Variants in STAT6 observed in about 807,000 individuals in gnomAD.
The protein encoded by STAT6 is signal transducer and activator of transcription 6, also known as STAT, interleukin4-induced.
Under a neutral mutation model 106.3 loss-of-function variants are expected in STAT6, and 45 were observed. The observed-to-expected ratio is 0.42, with a 90% CI of 0.33 to 0.54. The LOEUF is 0.54. STAT6 is among the 20% of genes least tolerant of loss of function. STAT6 has a pLI of 0.06. For synonymous variants in STAT6, 413 were observed against 413.6 expected (o/e 1.00, Z 0.02); for missense variants, 797 against 1,062.2 (o/e 0.75, Z 3.47).
rs868077439 is a variant in STAT6, at chr12:57,100,708, A to G, written c.1513-618T>C. ...AGAAAGAAAGAAAGAAAGAGAAAGA[A>G]AGAAAGAAAGAAAGAAAGAAAGAAA... On this transcript the variant is annotated intron_variant, in intron 13 of 21. Transcript: ENST00000300134. The G allele has an allele frequency of 1.5e-3, 78 of 53,390 alleles. 3 individuals carry two copies. Among genetic ancestry groups the G allele is most frequent in the Middle Eastern group, 9.1e-3 (1 of 110 alleles). The allele number at this position is 53,390 out of a possible 1,614,324, so 3.3% of individuals were successfully genotyped here.
At chr12:57,107,358 A>G (rs755919840) in intron 3 of STAT6, 44 bp from the exon 4 acceptor site, 2 of 1,559,424 alleles carry the variant, frequency 1.3e-6, no homozygotes, top group Non-Finnish European at 1.8e-6. Flanking sequence ...GCTCTTACCC[A>G]TGTCCTTCAA....
At chr12:57,102,158 G>C in intron 13 of STAT6, 132 bp downstream of exon 13, 1 of 974,750 alleles carries the variant, frequency 1.0e-6, no homozygotes, top group South Asian at 1.5e-5. Flanking sequence ...TCCATGACAG[G>C]CCTTCCTAAA....
In STAT6 at chr12:57,099,724, G is replaced by C; in HGVS notation, c.1744+43C>G. 1 of 1,611,806 alleles carries C rather than the reference G, an allele frequency of 6.2e-7. No homozygotes were observed. The highest frequency in any genetic ancestry group is 8.5e-7 in the Non-Finnish European group (1 of 1,178,600). The stretch of plus-strand genomic sequence containing the variant: ...TTTCATTCCCAGAAGAAACCCCAGA[G>C]GGCACAGGCACAGAGACAGAGGACT... On this transcript the variant is annotated intron_variant, in intron 15 of 21. Transcript: ENST00000300134. The surrounding 1 kb of genome is among the most constrained non-coding windows in gnomAD (Gnocchi z 4.7).
At chr12:57,098,424 C>T in intron 19 of STAT6, 81 bp downstream of exon 19, 1 of 1,371,946 alleles carries the variant, frequency 7.3e-7, no homozygotes, top group African/African-American at 1.4e-5. Context: ...CTGCTCCTTT[C>T]TCACAGAAGA....
At chr12:57,100,642 A>AAG (rs1370756052) in intron 13 of STAT6, among the ~76,000 whole-genome samples, 40 of 80,852 alleles carry the variant, frequency 4.9e-4, no homozygotes, top group African/African-American at 1.8e-3. Context: ...GAGAAAGAGA[A>AAG]AGAAAGAAAG....
chr12:57,100,057 G>A lies in STAT6; in HGVS notation c.1546C>T (p.Gln516Ter). 1 of 1,610,344 alleles carries A rather than the reference G, an allele frequency of 6.2e-7. No individual in the cohort carries two copies. Among genetic ancestry groups the A allele is most frequent in the Non-Finnish European group, 8.5e-7 (1 of 1,178,270 alleles). ...AGGTCCAGGACACCATCAAACCACTGCCAAAAGGTGAAGCCACGGCCCAGC... is the reference window on the plus strand; with the variant it reads ...AGGTCCAGGACACCATCAAACCACTACCAAAAGGTGAAGCCACGGCCCAGC... ...ILLGRGFTFW[Q>*]WFDGVLDLTK... is the part of the protein sequence containing the mutation. The change falls in exon 14 of 22, where the codon CAG becomes TAG. Residue 516 changes from glutamine to a stop codon, truncating the protein, a stop_gained. Transcript: ENST00000300134. LOFTEE classifies it high-confidence loss of function.
chr12:57,110,183 A>G (rs2034499070), intron 1 of STAT6: 1 of 152,312 alleles, frequency 6.6e-6, no homozygotes, highest in African/African-American at 2.4e-5. Context: ...CAGAGTGACC[A>G]GCCTCCTGGC....
At chr12:57,106,403 C>T (rs753785326) in intron 6 of STAT6, 64 bp from the exon 7 acceptor site, 39 of 1,608,282 alleles carry the variant, frequency 2.4e-5, no homozygotes, top group Non-Finnish European at 2.3e-5. Context: ...TCCTGGGATA[C>T]GGCTCTTTTT....
rs3024953 is a variant in STAT6, at chr12:57,106,074, T to A, written c.680+117A>T. ...CCCCGCTGGAACTGGCTTTTATGCA[T>A]CTTGGTCCACTCCAAGGCCCTCCCG... On this transcript the variant is annotated intron_variant, in intron 7 of 21. Transcript: ENST00000300134. The A allele has an allele frequency of 5.2e-3, 7,997 of 1,524,186 alleles. 344 individuals carry two copies. The African/African-American group carries it at 0.095, about 18-fold the overall frequency. 94.4% of individuals were successfully genotyped at this position (1,524,186 alleles called of 1,614,324 possible).
intron 13 of STAT6, chr12:57,100,696 GAA>G (rs1491279768): frequency 0.011 from 536 of 49,034 alleles, 12 homozygotes; most frequent in Non-Finnish European, 0.012. Context: ...AAGAAAGAAA[GAA>G]AGAGAAAGAA....
intron 19 of STAT6, among the ~76,000 whole-genome samples, chr12:57,097,594 C>T (rs2136561360): frequency 6.6e-6 from 1 of 152,314 alleles, no homozygotes; most frequent in East Asian, 1.9e-4. Flanking sequence ...ACATTAACGA[C>T]ATTTCTGTCA....
At chr12:57,100,555 C>T (rs1427874383) in intron 13 of STAT6, among the ~76,000 whole-genome samples, 1 of 151,848 alleles carries the variant, frequency 6.6e-6, no homozygotes. Flanking sequence ...TTAGCTAACA[C>T]ACCCTCTGGT....
At chr12:57,109,990 G>C (rs537860069) in intron 1 of STAT6, 2 of 152,436 alleles carry the variant, frequency 1.3e-5, no homozygotes, top group Non-Finnish European at 2.9e-5. Flanking sequence ...CCCTTCTCTG[G>C]ACGTTTCTGC....
rs987750364 is a variant in STAT6 at position 57,099,533 on chromosome 12, G to A, written c.1745-93C>T. On this transcript the variant is annotated intron_variant, in intron 15 of 21. Transcript: ENST00000300134. The surrounding 1 kb of genome is among the most constrained non-coding windows in gnomAD (Gnocchi z 4.7). The stretch of plus-strand genomic sequence containing the variant: ...TAAGACCTGTTCTCACTCCACCAAG[G>A]CAAGGGAGAGAGGACCTAGGGTGGG... 1.0e-5 allele frequency: 16 copies of A among 1,554,522 alleles called. No homozygotes were observed. In the East Asian group the frequency reaches 2.9e-4, roughly 28 times the overall value.
At chr12:57,101,589 C>T (rs2033936171) in intron 13 of STAT6, among the ~76,000 whole-genome samples, 1 of 151,666 alleles carries the variant, frequency 6.6e-6, no homozygotes, top group African/African-American at 2.4e-5. Context: ...GTCTCGAACT[C>T]CTGACCTCAG....
At chr12:57,106,963 G>T in intron 4 of STAT6, 132 bp from the exon 5 acceptor site, 2 of 1,399,198 alleles carry the variant, frequency 1.4e-6, no homozygotes, top group Non-Finnish European at 1.9e-6. Context: ...CTGACCTTTT[G>T]GAATATCGTG....
rs1263306267 is a variant in STAT6, at chr12:57,102,549, T to C, written c.1306-53A>G. The C allele has an allele frequency of 4.4e-6, 7 of 1,580,538 alleles. No homozygotes were observed. In the East Asian group the frequency reaches 1.4e-4, roughly 31 times the overall value. ...CTGCAGGCTACCGTCTTGTTATTCC[T>C]CGGGCCGGCCTTCATCCCTCCCACC... On this transcript the variant is annotated intron_variant, in intron 12 of 21. Coordinates refer to ENST00000300134, the MANE Select transcript of STAT6 (RefSeq NM_003153.5).
chr12:57,107,374 C>G, intron 3 of STAT6, 60 bp from the exon 4 acceptor site: 1 of 1,515,020 alleles, frequency 6.6e-7, no homozygotes, highest in Non-Finnish European at 9.2e-7. Flanking sequence ...TTCAATCCCT[C>G]CAATCCCCAG....
intron 21 of STAT6, 25 bp downstream of exon 21, chr12:57,096,825 C>T (rs1592541345): frequency 1.9e-6 from 3 of 1,613,928 alleles, no homozygotes; most frequent in South Asian, 1.1e-5. Flanking sequence ...TGCCACCCAG[C>T]CTCCACTCCC....
Sources: allele counts gnomAD v4.1 joint callset (sites outside exome capture counted in the v4.1 genomes callset), GRCh38; gene constraint gnomAD v4.1.1; non-coding constraint Gnocchi (gnomAD v3.1); transcripts MANE v1.5; gene names NCBI Gene and HGNC (gene_info 2026-07-23, HGNC 2026-07-21).